KCNH8: variants seen among roughly 807,000 people sequenced by gnomAD.
KCNH8 encodes potassium voltage-gated channel subfamily H member 8.
Under a neutral mutation model 103.6 loss-of-function variants are expected in KCNH8, and 70 were observed. The observed-to-expected ratio is 0.68, with a 90% confidence interval of 0.56 to 0.82. The LOEUF is 0.82. KCNH8 is among the 40% of genes least tolerant of loss of function. The pLI is 0.00. For missense variants in KCNH8, 1,217 were observed against 1,329.9 expected, an observed-to-expected ratio of 0.92 and a Z score of 1.32; for synonymous variants, 498 against 489.4, an observed-to-expected ratio of 1.02 and a Z score of -0.23.
chr3:19,368,785 G>C (rs2066047206), intron 5 of KCNH8, among the ~76,000 whole-genome samples: 1 of 151,954 alleles, frequency 6.6e-6, no homozygotes, highest in African/African-American at 2.4e-5. Context: ...ATTCCCTTGG[G>C]CTGATCATAT....
chr3:19,201,276 T>C (rs1381409655), intron 1 of KCNH8, among the ~76,000 whole-genome samples: 1 of 91,022 alleles, frequency 1.1e-5, no homozygotes, highest in Admixed American at 1.1e-4. Context: ...AAGAAAATTA[T>C]AGTAAATACT....
chr3:19,515,562 A>G, intron 14 of KCNH8, 134 bp downstream of exon 14: 1 of 425,360 alleles, frequency 2.4e-6, no homozygotes, highest in Non-Finnish European at 4.1e-6. Context: ...TACCAATACC[A>G]TTGAATAATT....
Position 19,533,451 on chromosome 3 carries a change from C to T in KCNH8, c.2676C>T (p.Ile892=), listed in dbSNP as rs2069202844. The T allele has an allele frequency of 1.2e-6, 2 of 1,614,016 alleles. No homozygotes were observed. The highest frequency in any genetic ancestry group is 1.1e-5 in the South Asian group (1 of 91,088). ...TGGGTAAAGACATGAGAAATGTGAT[C>T]CAGCTTCTGGAAAACGTTCTGTCAC... is the stretch of plus-strand genomic sequence containing the variant. ...SQLGKDMRNV[I]QLLENVLSPQ... Residue 892 remains isoleucine, a synonymous_variant, in exon 16 of 16, where the codon ATC becomes ATT. Transcript: ENST00000328405.
At chr3:19,501,887 A>G (rs551911824) in intron 11 of KCNH8, among the ~76,000 whole-genome samples, 1 of 152,300 alleles carries the variant, frequency 6.6e-6, no homozygotes, top group African/African-American at 2.4e-5. Context: ...GCCCTCTCTC[A>G]CCACTCCTAT....
At chr3:19,418,450 T>C (rs1216332048) in intron 7 of KCNH8, among the ~76,000 whole-genome samples, 2 of 152,138 alleles carry the variant, frequency 1.3e-5, no homozygotes, top group Non-Finnish European at 1.5e-5. Context: ...CACATCTGAG[T>C]TTTCTAGAGA....
intron 11 of KCNH8, among the ~76,000 whole-genome samples, chr3:19,466,789 G>C (rs2067747916): frequency 6.7e-6 from 1 of 150,026 alleles, no homozygotes; most frequent in Non-Finnish European, 1.5e-5. Flanking sequence ...AGCCTCCCGA[G>C]TAGCTGGGAT....
rs926628999 is a variant in KCNH8 at position 19,246,554 on chromosome 3, C to T, written c.77-7100C>T. On this transcript the variant is annotated intron_variant, in intron 1 of 15. Coordinates refer to ENST00000328405, the MANE Select transcript of KCNH8 (RefSeq NM_144633.3). The stretch of plus-strand genomic sequence containing the variant: ...CCTCCCAAAGTGCTGGGATTACAGG[C>T]GTGAGTCACCACGCCCAGCCAAGAA... 4.0e-5 allele frequency among the ~76,000 whole-genome samples: 6 copies of T among 151,860 alleles called. No individual in the cohort carries two copies. In the East Asian group the frequency reaches 5.8e-4, roughly 15 times the overall value.
At chr3:19,158,265 A>G (rs1037297102) in intron 1 of KCNH8, among the ~76,000 whole-genome samples, 8 of 151,548 alleles carry the variant, frequency 5.3e-5, no homozygotes, top group African/African-American at 1.9e-4. Flanking sequence ...ATCATATTTT[A>G]TATTCCTCTA....
chr3:19,311,184 A>G (rs1410019603), intron 3 of KCNH8, among the ~76,000 whole-genome samples: 1 of 151,820 alleles, frequency 6.6e-6, no homozygotes, highest in African/African-American at 2.4e-5. Context: ...AATAATAATA[A>G]TAATAATGAC....
intron 5 of KCNH8, among the ~76,000 whole-genome samples, chr3:19,372,226 G>T (rs1364869422): frequency 2.5e-4 from 38 of 149,956 alleles, no homozygotes; most frequent in East Asian, 5.9e-4. Flanking sequence ...TCACGATATT[G>T]ATTCTTCCTA....
At chr3:19,241,417 G>A (rs75127052) in intron 1 of KCNH8, among the ~76,000 whole-genome samples, 9,301 of 152,100 alleles carry the variant, frequency 0.061, 956 homozygotes, top group African/African-American at 0.21. Flanking sequence ...TGATTGAATT[G>A]AAACCCAATT....
intron 3 of KCNH8, among the ~76,000 whole-genome samples, chr3:19,281,962 A>G (rs1339322532): frequency 6.6e-6 from 1 of 152,140 alleles, no homozygotes; most frequent in Non-Finnish European, 1.5e-5. Flanking sequence ...ATAAGCTGAC[A>G]AAAGTTAACA....
intron 1 of KCNH8, among the ~76,000 whole-genome samples, chr3:19,235,201 C>T (rs1050368452): frequency 6.6e-6 from 1 of 152,142 alleles, no homozygotes; most frequent in Non-Finnish European, 1.5e-5. Flanking sequence ...CTATCAATGA[C>T]ATTAGGTGAG....
chr3:19,533,689 C>T lies in KCNH8; in HGVS notation c.2914C>T (p.Arg972Ter), dbSNP rs138763434. 1.2e-5 allele frequency: 20 copies of T among 1,614,058 alleles called. No homozygotes were observed. Among genetic ancestry groups the T allele is most frequent in the African/African-American group, 4.0e-5 (3 of 74,920 alleles). Residue 972 changes from arginine (R) to a stop codon, truncating the protein, a stop_gained, in exon 16 of 16, where the codon CGA becomes TGA. Transcript: ENST00000328405. LOFTEE classifies it high-confidence loss of function. Reference protein sequence around the residue: ...DPSSVGSSPQRTGAHEQNPAD... With the variant: ...DPSSVGSSPQ The stretch of plus-strand genomic sequence containing the variant: ...CTCCTCTGTGGGGAGCAGCCCCCAA[C>T]GAACTGGAGCTCATGAGCAAAATCC...
At chr3:19,232,305 A>G (rs541853213) in intron 1 of KCNH8, among the ~76,000 whole-genome samples, 4 of 152,272 alleles carry the variant, frequency 2.6e-5, no homozygotes, top group Admixed American at 2.0e-4. Flanking sequence ...TATTTCCTCA[A>G]CCATATCCTT....
At position 19,169,246 on chromosome 3, in the gene KCNH8, T is replaced by C. The variant is rs186051594; in HGVS notation, c.76+20451T>C. On this transcript the variant is annotated intron_variant, in intron 1 of 15. Transcript: ENST00000328405. ...AATCTCCTAATCTCACTCTTTTGTT[T>C]CTTTCTTTCTTTTTTTTTTTTTTTT... 4.6e-3 allele frequency among the ~76,000 whole-genome samples: 672 copies of C among 147,684 alleles called. 1 individual carries two copies. Among genetic ancestry groups the C allele is most frequent in the African/African-American group, 0.016 (611 of 38,366 alleles).
chr3:19,348,134 T>C (rs554978276), intron 5 of KCNH8, among the ~76,000 whole-genome samples, 169 bp downstream of exon 5: 20 of 152,122 alleles, frequency 1.3e-4, no homozygotes, highest in Admixed American at 3.3e-4. Flanking sequence ...GAAAATTGCC[T>C]CTTCCAACTT....
intron 1 of KCNH8, among the ~76,000 whole-genome samples, chr3:19,175,159 C>T (rs535386594): frequency 7.3e-4 from 111 of 151,740 alleles, no homozygotes; most frequent in Admixed American, 3.1e-3. Flanking sequence ...ATACTCTGTT[C>T]ATATTTACAC....
At chr3:19,353,585 A>G (rs1209124800) in intron 5 of KCNH8, among the ~76,000 whole-genome samples, 1 of 152,222 alleles carries the variant, frequency 6.6e-6, no homozygotes, top group Non-Finnish European at 1.5e-5. Flanking sequence ...CAACATATGC[A>G]AATCAAGAAA....
Sources: gnomAD v4.1 joint callset for allele counts (sites outside exome capture counted in the v4.1 genomes callset) on GRCh38, gnomAD v4.1.1 for gene constraint, MANE v1.5 for transcripts, NCBI Gene and HGNC (gene_info 2026-07-23, HGNC 2026-07-21) for gene names.